The following EPHA6 variants were observed in gnomAD, a reference collection of about 807,000 sequenced individuals.
The protein encoded by EPHA6 is EPH receptor A6, also known as ephrin type-A receptor 6.
A neutral mutation model predicts 112.0 loss-of-function variants in EPHA6; 50 were observed. The ratio of observed to expected loss-of-function variants is 0.45; its 90% confidence interval spans 0.36 to 0.56. The LOEUF is 0.56. EPHA6 is among the 20% of genes least tolerant of loss of function. The pLI is 0.00. For missense variants in EPHA6, 1,280 were observed against 1,417.4 expected (o/e 0.90, Z 1.56); for synonymous variants, 529 against 490.7 (o/e 1.08, Z -1.03).
In EPHA6 at chr3:97,754,093, T is replaced by A. The variant is rs1193653026; in HGVS notation, c.*5392T>A. ...AAAATAACATTTATATCTTTTTTTT[T>A]TTTTTTTTTTTTGAGATGGAGTTTC... On this transcript the variant is annotated 3_prime_UTR_variant, in exon 18 of 18. Coordinates refer to ENST00000389672, the MANE Select transcript of EPHA6 (RefSeq NM_001080448.3). 1.4e-5 allele frequency among the ~76,000 whole-genome samples: 2 copies of A among 145,676 alleles called. No homozygotes were observed. Among genetic ancestry groups the A allele is most frequent in the Non-Finnish European group, 3.1e-5 (2 of 65,462 alleles).
At chr3:96,990,163 G>A (rs2043163588) in intron 3 of EPHA6, among the ~76,000 whole-genome samples, 1 of 152,008 alleles carries the variant, frequency 6.6e-6, no homozygotes, top group African/African-American at 2.4e-5. Context: ...CTAAATATTT[G>A]TATTTCTTTA....
At chr3:96,821,444 A>C (rs73848352) in intron 1 of EPHA6, among the ~76,000 whole-genome samples, 11,794 of 151,902 alleles carry the variant, frequency 0.078, 839 homozygotes, top group Admixed American at 0.23. Context: ...TAAACTATAT[A>C]ACTTCTTATG....
chr3:97,521,803 G>A (rs560314309), intron 10 of EPHA6, among the ~76,000 whole-genome samples: 1 of 152,114 alleles, frequency 6.6e-6, no homozygotes, highest in East Asian at 1.9e-4. Context: ...TCAGAGGGTT[G>A]GGTGATGTGA....
At chr3:97,117,403 C>A (rs2108295656) in intron 3 of EPHA6, among the ~76,000 whole-genome samples, 1 of 151,692 alleles carries the variant, frequency 6.6e-6, no homozygotes, top group East Asian at 1.9e-4. Flanking sequence ...TTTGTGTAGA[C>A]CAATGTCCTA....
At chr3:97,546,192 T>G (rs1205670603) in intron 11 of EPHA6, among the ~76,000 whole-genome samples, 5 of 152,082 alleles carry the variant, frequency 3.3e-5, no homozygotes, top group African/African-American at 1.2e-4. Flanking sequence ...TGTTTTTGCA[T>G]TGGCTGGTAC....
chr3:97,276,247 G>C (rs2080075408), intron 5 of EPHA6, among the ~76,000 whole-genome samples: 2 of 152,182 alleles, frequency 1.3e-5, no homozygotes, highest in Non-Finnish European at 2.9e-5. Context: ...TCAGTCTTCA[G>C]CCTCTAAGTG....
chr3:97,449,750 T>G (rs961388901), intron 7 of EPHA6, among the ~76,000 whole-genome samples: 2 of 152,114 alleles, frequency 1.3e-5, no homozygotes, highest in Admixed American at 6.6e-5. Context: ...GAAAGGCCTA[T>G]GCTGTTAGCT....
intron 3 of EPHA6, among the ~76,000 whole-genome samples, chr3:97,171,491 G>A (rs2076700628): frequency 6.6e-6 from 1 of 151,976 alleles, no homozygotes; most frequent in Non-Finnish European, 1.5e-5. Flanking sequence ...GAATGGAGAA[G>A]AAGACAAACA....
chr3:97,081,250 A>T (rs1254671256), intron 3 of EPHA6, among the ~76,000 whole-genome samples: 2 of 151,944 alleles, frequency 1.3e-5, no homozygotes, highest in African/African-American at 4.8e-5. Context: ...ATCTTCCAAA[A>T]TTTTAGGAAA....
chr3:97,031,289 A>T (rs1433879191), intron 3 of EPHA6, among the ~76,000 whole-genome samples: 4 of 152,166 alleles, frequency 2.6e-5, no homozygotes, highest in African/African-American at 9.7e-5. Flanking sequence ...GTATACAAAA[A>T]TTAATTCAAG....
At chr3:97,318,800 T>C (rs928306856) in intron 5 of EPHA6, among the ~76,000 whole-genome samples, 1 of 151,914 alleles carries the variant, frequency 6.6e-6, no homozygotes, top group East Asian at 1.9e-4. Flanking sequence ...ACCAGCAAAA[T>C]TGAGTAACTA....
intron 5 of EPHA6, among the ~76,000 whole-genome samples, chr3:97,386,672 G>A (rs983045718): frequency 1.3e-5 from 2 of 152,138 alleles, no homozygotes; most frequent in African/African-American, 2.4e-5. Flanking sequence ...ACTCTTCTGG[G>A]GTCTGGAGGA....
At chr3:97,414,564 C>A (rs1298206155) in intron 6 of EPHA6, among the ~76,000 whole-genome samples, 1 of 151,976 alleles carries the variant, frequency 6.6e-6, no homozygotes, top group Admixed American at 6.6e-5. Flanking sequence ...TGCTTCATTT[C>A]CCGGCTCTGC....
intron 14 of EPHA6, among the ~76,000 whole-genome samples, chr3:97,663,249 C>T (rs2094181612): frequency 6.6e-6 from 1 of 152,090 alleles, no homozygotes; most frequent in Admixed American, 6.6e-5. Flanking sequence ...TAGTTAGCAT[C>T]AGATTGGTGT....
intron 14 of EPHA6, among the ~76,000 whole-genome samples, chr3:97,715,024 T>A (rs2034151909): frequency 6.6e-6 from 1 of 152,210 alleles, no homozygotes; most frequent in Admixed American, 6.5e-5. Flanking sequence ...GCTGTTGTCT[T>A]CTTAAACAAA....
intron 3 of EPHA6, among the ~76,000 whole-genome samples, chr3:97,207,552 C>T (rs2077747079): frequency 6.6e-6 from 1 of 152,040 alleles, no homozygotes; most frequent in African/African-American, 2.4e-5. Context: ...TAATATGTTC[C>T]AATTTATGGA....
chr3:97,363,705 A>G (rs2084537073), intron 5 of EPHA6, among the ~76,000 whole-genome samples: 1 of 152,078 alleles, frequency 6.6e-6, no homozygotes, highest in Non-Finnish European at 1.5e-5. Flanking sequence ...TTTGTGTACC[A>G]GTGTTTGTAA....
At chr3:97,641,556 G>T (rs2094004468) in intron 14 of EPHA6, among the ~76,000 whole-genome samples, 1 of 152,228 alleles carries the variant, frequency 6.6e-6, no homozygotes, top group Non-Finnish European at 1.5e-5. Flanking sequence ...GGGAGTGCCA[G>T]ACAGTGGGCG....
chr3:97,638,642 C>A (rs2093972707), intron 14 of EPHA6, among the ~76,000 whole-genome samples: 2 of 152,112 alleles, frequency 1.3e-5, no homozygotes, highest in African/African-American at 4.8e-5. Flanking sequence ...AAACCGTCAT[C>A]CACAAATTAT....
Sources: allele counts gnomAD v4.1 joint callset (sites outside exome capture counted in the v4.1 genomes callset), GRCh38; gene constraint gnomAD v4.1.1; transcripts MANE v1.5; gene names NCBI Gene and HGNC (gene_info 2026-07-23, HGNC 2026-07-21).